Variants in SLMAP observed in about 807,000 individuals in gnomAD.
SLMAP encodes the protein sarcolemma associated protein.
A neutral mutation model predicts 128.8 loss-of-function variants in SLMAP; 44 were observed. That is an observed-to-expected ratio of 0.34 (90% CI 0.27 to 0.44). The LOEUF (loss-of-function observed/expected upper bound fraction) is 0.44. Among genes scored for constraint, SLMAP ranks in the 20% least tolerant of loss-of-function variants. SLMAP has a pLI of 1.00. For synonymous variants in SLMAP, 327 were observed against 348.8 expected (o/e 0.94, Z 0.70); for missense variants, 787 against 985.3 (o/e 0.80, Z 2.69).
rs2078824324 is a variant in SLMAP at position 57,762,231 on chromosome 3, G to A, written c.198+4382G>A. On this transcript the variant is annotated intron_variant, in intron 2 of 24. Coordinates refer to ENST00000671191, the MANE Select transcript of SLMAP (RefSeq NM_001377540.1). ...AAAATACAAAAAATTAGCTGGGCATGGTGGCATGTGCCTGCAATCCCAGCT... is the reference window on the plus strand; with the variant it reads ...AAAATACAAAAAATTAGCTGGGCATAGTGGCATGTGCCTGCAATCCCAGCT... Among the ~76,000 whole-genome samples the A allele has an allele frequency of 2.6e-5, 4 of 151,618 alleles. 1 individual carries two copies. The highest frequency in any genetic ancestry group is 2.6e-4 in the Admixed American group (4 of 15,208).
At chr3:57,871,971 A>C (rs1194823940) in intron 14 of SLMAP, among the ~76,000 whole-genome samples, 2 of 152,212 alleles carry the variant, frequency 1.3e-5, no homozygotes, top group Non-Finnish European at 2.9e-5. Flanking sequence ...TTCTTAAATA[A>C]ATTTCTTAGA....
intron 10 of SLMAP, among the ~76,000 whole-genome samples, chr3:57,862,393 A>C: frequency 6.6e-6 from 1 of 152,100 alleles, no homozygotes; most frequent in East Asian, 1.9e-4. Flanking sequence ...TAATCCCAGC[A>C]CTTTGGGAGG....
chr3:57,789,711 A>G (rs1236901675), intron 2 of SLMAP, among the ~76,000 whole-genome samples: 2 of 152,256 alleles, frequency 1.3e-5, no homozygotes, highest in African/African-American at 4.8e-5. Context: ...AAACTCTGTA[A>G]TTCAACACAA....
At chr3:57,899,676 T>C (rs1455503345) in intron 17 of SLMAP, 1 of 152,022 alleles carries the variant, frequency 6.6e-6, no homozygotes, top group African/African-American at 2.4e-5. Flanking sequence ...GCTTCCCAAG[T>C]AGCTGGGACT....
At chr3:57,880,526 A>C (rs1270681546) in intron 14 of SLMAP, among the ~76,000 whole-genome samples, 1 of 152,052 alleles carries the variant, frequency 6.6e-6, no homozygotes, top group Non-Finnish European at 1.5e-5. Context: ...TTTATAATAA[A>C]TATGGTTTTA....
intron 14 of SLMAP, among the ~76,000 whole-genome samples, chr3:57,872,644 G>A (rs970502952): frequency 5.3e-5 from 8 of 152,122 alleles, no homozygotes; most frequent in Admixed American, 1.3e-4. Flanking sequence ...CAAACAAAAC[G>A]ATAAATTGGC....
At chr3:57,911,447 C>T (rs2153689471) in intron 19 of SLMAP, among the ~76,000 whole-genome samples, 1 of 152,246 alleles carries the variant, frequency 6.6e-6, no homozygotes, top group South Asian at 2.1e-4. Flanking sequence ...TATTAATTTT[C>T]TTGTTCTGCG....
In SLMAP at chr3:57,856,863, C is replaced by G. The variant is rs143793822; in HGVS notation, c.520-870C>G. Reference sequence around the variant, plus strand: ...CATCTCCTCAAACACGTGAGTAATGCCCCCTTGTGTTACAATGTTAGGATG... The same window carrying G: ...CATCTCCTCAAACACGTGAGTAATGGCCCCTTGTGTTACAATGTTAGGATG... On this transcript the variant is annotated intron_variant, in intron 6 of 24. Transcript: ENST00000671191. Among the ~76,000 whole-genome samples, 9 of 152,230 alleles carry G rather than the reference C, an allele frequency of 5.9e-5. No individual in the cohort carries two copies. The East Asian group carries it at 1.7e-3, about 29-fold the overall frequency.
chr3:57,891,589 T>C (rs1030429637), intron 15 of SLMAP, among the ~76,000 whole-genome samples: 4 of 152,036 alleles, frequency 2.6e-5, no homozygotes, highest in Non-Finnish European at 4.4e-5. Context: ...TTTTTTTTTT[T>C]CCTTGAGACG....
chr3:57,841,478 A>C (rs932365400), intron 4 of SLMAP, 107 bp downstream of exon 4: 1 of 487,308 alleles, frequency 2.1e-6, no homozygotes, highest in African/African-American at 2.0e-5. Flanking sequence ...CTTCAGGACT[A>C]TTTAAATAAT....
intron 21 of SLMAP, among the ~76,000 whole-genome samples, chr3:57,915,127 C>T (rs1031765277): frequency 3.9e-5 from 6 of 152,144 alleles, no homozygotes; most frequent in Non-Finnish European, 8.8e-5. Flanking sequence ...CTTGGCCTCC[C>T]TAAGTGCTGG....
At chr3:57,837,223 T>G (rs9848092) in intron 3 of SLMAP, among the ~76,000 whole-genome samples, 47,244 of 152,062 alleles carry the variant, frequency 0.31, 7,677 homozygotes, top group East Asian at 0.48. Flanking sequence ...ATCCCTTTTA[T>G]GTGTTTACTG....
intron 14 of SLMAP, among the ~76,000 whole-genome samples, chr3:57,884,533 C>G (rs2095830350): frequency 6.6e-6 from 1 of 152,146 alleles, no homozygotes; most frequent in Non-Finnish European, 1.5e-5. Context: ...TTTAAACTGT[C>G]CCAAAGTGTT....
At chr3:57,761,910 G>A (rs112890215) in intron 2 of SLMAP, among the ~76,000 whole-genome samples, 20,054 of 150,790 alleles carry the variant, frequency 0.13, 1,411 homozygotes, top group South Asian at 0.22. Flanking sequence ...AGCCGGGCGC[G>A]GTGGCGGGCG....
chr3:57,802,292 T>C (rs2088686431), intron 2 of SLMAP, among the ~76,000 whole-genome samples: 1 of 152,138 alleles, frequency 6.6e-6, no homozygotes, highest in South Asian at 2.1e-4. Context: ...TTTTTTTTTT[T>C]TTAAGATGGA....
At chr3:57,772,153 A>G (rs1467379697) in intron 2 of SLMAP, among the ~76,000 whole-genome samples, 1 of 152,228 alleles carries the variant, frequency 6.6e-6, no homozygotes, top group African/African-American at 2.4e-5. Context: ...CTTGTTTGTC[A>G]TGTAAGGGGG....
Position 57,835,928 on chromosome 3 carries a change from A to G in SLMAP, c.346+4398A>G, listed in dbSNP as rs867423055. Among the ~76,000 whole-genome samples, 6 of 152,300 alleles carry G rather than the reference A, an allele frequency of 3.9e-5. No individual in the cohort carries two copies. The Middle Eastern group carries it at 0.014, about 345-fold the overall frequency. ...TACACTTATAATAAAGTACATTTGTATACATGTGAATGATAAATAGGATTT... is the reference window on the plus strand; with the variant it reads ...TACACTTATAATAAAGTACATTTGTGTACATGTGAATGATAAATAGGATTT... On this transcript the variant is annotated intron_variant, in intron 3 of 24. Transcript: ENST00000671191.
intron 15 of SLMAP, among the ~76,000 whole-genome samples, chr3:57,892,016 G>T (rs1038826556): frequency 5.3e-5 from 8 of 152,168 alleles, no homozygotes; most frequent in African/African-American, 1.9e-4. Context: ...ATAAGTCCAT[G>T]TAAATGAATA....
At chr3:57,833,059 G>A (rs2093433401) in intron 3 of SLMAP, among the ~76,000 whole-genome samples, 1 of 152,146 alleles carries the variant, frequency 6.6e-6, no homozygotes, top group Non-Finnish European at 1.5e-5. Context: ...AACCCATAGA[G>A]AAAAAGAGAA....
Sources: gnomAD v4.1 joint callset for allele counts (sites outside exome capture counted in the v4.1 genomes callset) on GRCh38, gnomAD v4.1.1 for gene constraint, MANE v1.5 for transcripts, NCBI Gene and HGNC (gene_info 2026-07-23, HGNC 2026-07-21) for gene names.